METTL8: variants seen among roughly 807,000 people sequenced by gnomAD.
METTL8 encodes tRNA N(3)-cytidine methyltransferase METTL8, mitochondrial.
METTL8 carries 32 observed loss-of-function variants against 48.7 expected under a neutral mutation model. The ratio of observed to expected loss-of-function variants is 0.66; its 90% CI spans 0.50 to 0.88. METTL8 has a LOEUF of 0.88. Ranked by LOEUF, METTL8 falls within the 40% of genes least tolerant of loss-of-function variation. METTL8 has a pLI of 0.00. For missense variants in METTL8, 464 were observed against 474.4 expected, an observed-to-expected ratio of 0.98 and a Z score of 0.20; for synonymous variants, 136 against 157.1, an observed-to-expected ratio of 0.87 and a Z score of 1.01.
At chr2:171,434,678 G>A (rs1414634112), upstream of METTL8, 5 of 1,506,770 alleles carry the variant, frequency 3.3e-6, no homozygotes, top group Non-Finnish European at 4.4e-6. Context: ...ACCAACCTGG[G>A]CATCCTGCGG....
At chr2:171,335,045 T>C (rs1042976852) in intron 5 of METTL8, among the ~76,000 whole-genome samples, 1 of 152,208 alleles carries the variant, frequency 6.6e-6, no homozygotes, top group African/African-American at 2.4e-5. Context: ...TTTACGTGTA[T>C]TATAAGCTCA....
chr2:171,343,431 C>A (rs901366058), intron 3 of METTL8, among the ~76,000 whole-genome samples: 11 of 149,348 alleles, frequency 7.4e-5, no homozygotes, highest in African/African-American at 2.8e-4. Context: ...AGGAGTGAAA[C>A]TCCATCTCAA....
chr2:171,386,668 T>C (rs1688080868), intron 2 of METTL8, among the ~76,000 whole-genome samples: 1 of 152,022 alleles, frequency 6.6e-6, no homozygotes, highest in Admixed American at 6.6e-5. Flanking sequence ...CTTTAAATGA[T>C]ACAGAAGCGG....
At chr2:171,434,316 C>T, upstream of METTL8, 2 of 647,126 alleles carry the variant, frequency 3.1e-6, no homozygotes, top group South Asian at 3.0e-5. Context: ...GAGCGTCGCA[C>T]TGTCAGCGGC....
chr2:171,432,851 A>C (rs1693239483), intron 1 of METTL8, among the ~76,000 whole-genome samples: 1 of 152,218 alleles, frequency 6.6e-6, no homozygotes, highest in African/African-American at 2.4e-5. Flanking sequence ...CATTTTTACC[A>C]TAGGCCAATT....
chr2:171,416,205 C>G (rs1691300293), intron 1 of METTL8, among the ~76,000 whole-genome samples: 1 of 152,204 alleles, frequency 6.6e-6, no homozygotes, highest in African/African-American at 2.4e-5. Flanking sequence ...CCAGTCAGGT[C>G]TGCCCAGCCT....
At chr2:171,377,779 G>T (rs1687124222) in intron 2 of METTL8, among the ~76,000 whole-genome samples, 3 of 152,192 alleles carry the variant, frequency 2.0e-5, no homozygotes. Flanking sequence ...CACTGCTGGT[G>T]GGAATGTAAA....
chr2:171,430,049 G>GAA (rs111919631), intron 1 of METTL8, among the ~76,000 whole-genome samples: 1 of 125,974 alleles, frequency 7.9e-6, no homozygotes, highest in African/African-American at 2.9e-5. Context: ...GTCTCAAAAA[G>GAA]AAAAAAAAAA....
chr2:171,356,952 A>ATGTTTTGTTTTTTTT lies in METTL8; in HGVS notation c.235+3469_235+3470insAAAAAAAACAAAACA. ...CAAATTAGCCTTGTTCAAAGACAAT[A>ATGTTTTGTTTTTTTT]TTTTTTTTTTTTTTTTTGAGACAGG... On this transcript the variant is annotated intron_variant, in intron 3 of 9. Coordinates refer to ENST00000375258, the MANE Select transcript of METTL8 (RefSeq NM_001321154.2). Among the ~76,000 whole-genome samples, 47 of 78,464 alleles carry ATGTTTTGTTTTTTTT rather than the reference A, an allele frequency of 6.0e-4. 5 individuals are homozygous for ATGTTTTGTTTTTTTT. The highest frequency in any genetic ancestry group is 8.9e-4 in the Non-Finnish European group (37 of 41,404). The allele number at this position is 78,464 out of a possible 152,430, so 51.5% of individuals were successfully genotyped here. A position where few individuals can be genotyped will look rare whatever the true frequency, so the allele number is the denominator to read the frequency against.
intron 1 of METTL8, among the ~76,000 whole-genome samples, chr2:171,398,459 C>G (rs1294770618): frequency 6.6e-6 from 1 of 151,834 alleles, no homozygotes; most frequent in Admixed American, 6.6e-5. Flanking sequence ...AGTAGTCAAA[C>G]CGATAGAGAC....
intron 1 of METTL8, among the ~76,000 whole-genome samples, chr2:171,407,310 T>G (rs1051725520): frequency 1.1e-4 from 17 of 150,598 alleles, no homozygotes; most frequent in African/African-American, 4.2e-4. Context: ...CATGCCTAGG[T>G]GACAGGGCAA....
At chr2:171,426,352 T>C (rs1464929127) in intron 1 of METTL8, among the ~76,000 whole-genome samples, 1 of 152,160 alleles carries the variant, frequency 6.6e-6, no homozygotes, top group Non-Finnish European at 1.5e-5. Context: ...ATATATAATA[T>C]GAATGATGTT....
chr2:171,400,093 C>T (rs1414235608), intron 1 of METTL8, among the ~76,000 whole-genome samples: 1 of 151,842 alleles, frequency 6.6e-6, no homozygotes, highest in African/African-American at 2.4e-5. Context: ...ATCCTAAGCA[C>T]TTATATACAG....
intron 2 of METTL8, among the ~76,000 whole-genome samples, chr2:171,384,819 A>T (rs1687891590): frequency 6.6e-6 from 1 of 152,190 alleles, no homozygotes; most frequent in African/African-American, 2.4e-5. Flanking sequence ...GTGACAGAGC[A>T]AGATGCTGTC....
rs116761395 is a variant in METTL8 at position 171,375,214 on chromosome 2, C to T, written c.144-14701G>A. 863 of 1,356,714 alleles carry T rather than the reference C, an allele frequency of 6.4e-4. 2 individuals carry two copies. In the African/African-American group the frequency reaches 8.3e-3, roughly 13 times the overall value. 84.0% of individuals were successfully genotyped at this position (1,356,714 alleles called of 1,614,324 possible). A position where few individuals can be genotyped will look rare whatever the true frequency, so the allele number is the denominator to read the frequency against. ...CACGCATCGGGTACAGTTAGTGCAG[C>T]GAATAGGATGCACGTGGCCGCGGCC... On this transcript the variant is annotated intron_variant, in intron 2 of 9. Coordinates refer to ENST00000375258, the MANE Select transcript of METTL8 (RefSeq NM_001321154.2).
intron 2 of METTL8, among the ~76,000 whole-genome samples, chr2:171,363,160 T>C (rs945854762): frequency 2.0e-5 from 3 of 152,172 alleles, no homozygotes; most frequent in Admixed American, 2.0e-4. Context: ...TTTATGTTAC[T>C]TCATTTTCTT....
chr2:171,385,239 C>T (rs964373519), intron 2 of METTL8, among the ~76,000 whole-genome samples: 1 of 151,596 alleles, frequency 6.6e-6, no homozygotes, highest in Non-Finnish European at 1.5e-5. Context: ...ATGGCAAGAC[C>T]CCCCCTCTCT....
rs1196412712 is a variant in METTL8 at position 171,408,930 on chromosome 2, G to A, written c.-12-16733C>T. 2.0e-5 allele frequency among the ~76,000 whole-genome samples: 3 copies of A among 152,196 alleles called. No homozygotes were observed. In the East Asian group the frequency reaches 5.8e-4, roughly 29 times the overall value. Reference sequence around the variant, plus strand: ...TTCAATCAGTGCTAACCCATTTGCTGTTATCATTAGTCTGCCTCTCCTCAC... The same window carrying A: ...TTCAATCAGTGCTAACCCATTTGCTATTATCATTAGTCTGCCTCTCCTCAC... On this transcript the variant is annotated intron_variant, in intron 1 of 9. Transcript: ENST00000375258.
chr2:171,397,744 TC>T (rs1300209764), intron 1 of METTL8, among the ~76,000 whole-genome samples: 1 of 152,030 alleles, frequency 6.6e-6, no homozygotes, highest in Non-Finnish European at 1.5e-5. Flanking sequence ...AAATGAGATA[TC>T]ACCACAGACC....
Sources: allele counts gnomAD v4.1 joint callset (sites outside exome capture counted in the v4.1 genomes callset), GRCh38; gene constraint gnomAD v4.1.1; transcripts MANE v1.5; gene names NCBI Gene and HGNC (gene_info 2026-07-23, HGNC 2026-07-21).